The following PRKCE variants were observed in gnomAD, a reference collection of about 807,000 sequenced individuals.
PRKCE encodes protein kinase C epsilon.
A neutral mutation model predicts 85.4 loss-of-function variants in PRKCE; 16 were observed. That is an observed-to-expected ratio of 0.19 (90% CI 0.13 to 0.28). The LOEUF (loss-of-function observed/expected upper bound fraction) is 0.28. Among genes scored for constraint, PRKCE ranks in the 10% least tolerant of loss-of-function variants. The pLI, the probability that PRKCE is intolerant of heterozygous loss-of-function variation, is 1.00. For synonymous variants in PRKCE, 388 were observed against 371.5 expected (o/e 1.04, Z -0.51); for missense variants, 573 against 975.2 (o/e 0.59, Z 5.49).
At chr2:46,019,846 T>C (rs934809278) in intron 10 of PRKCE, among the ~76,000 whole-genome samples, 4 of 137,524 alleles carry the variant, frequency 2.9e-5, no homozygotes, top group East Asian at 2.1e-4. Flanking sequence ...GTTGGTTTTC[T>C]CTTTTTTTTT....
At position 45,787,144 on chromosome 2, in the gene PRKCE, G is replaced by A. The variant is rs919269215; in HGVS notation, c.349-55856G>A. 5.3e-5 allele frequency among the ~76,000 whole-genome samples: 8 copies of A among 152,222 alleles called. No individual in the cohort carries two copies. The South Asian group carries it at 6.2e-4, about 12-fold the overall frequency. On this transcript the variant is annotated intron_variant, in intron 1 of 14. Transcript: ENST00000306156. Reference sequence around the variant, plus strand: ...GGTGTCCCCCCAAGCTGGGAGGAGCGTGGCTGTAGCTGGCAGCCCTGCTGG... The same window carrying A: ...GGTGTCCCCCCAAGCTGGGAGGAGCATGGCTGTAGCTGGCAGCCCTGCTGG...
chr2:45,682,140 A>G (rs1431782496), intron 1 of PRKCE, among the ~76,000 whole-genome samples: 1 of 152,236 alleles, frequency 6.6e-6, no homozygotes, highest in Non-Finnish European at 1.5e-5. Flanking sequence ...CTTTACTGAG[A>G]CATCTCTGAC....
intron 1 of PRKCE, among the ~76,000 whole-genome samples, chr2:45,703,902 A>G (rs1431049530): frequency 1.3e-5 from 2 of 152,242 alleles, no homozygotes; most frequent in African/African-American, 4.8e-5. Context: ...CTTGTTTTAT[A>G]TTACTGGTAT....
At chr2:45,835,720 A>G (rs1690812836) in intron 1 of PRKCE, among the ~76,000 whole-genome samples, 1 of 151,014 alleles carries the variant, frequency 6.6e-6, no homozygotes, top group Non-Finnish European at 1.5e-5. Flanking sequence ...CCTCCCAAGT[A>G]CCTGGGACTG....
intron 1 of PRKCE, among the ~76,000 whole-genome samples, chr2:45,708,091 A>G (rs1467426911): frequency 6.6e-6 from 1 of 152,164 alleles, no homozygotes; most frequent in Non-Finnish European, 1.5e-5. Context: ...CTCCTGATCT[A>G]CTACCAAAGT....
intron 6 of PRKCE, among the ~76,000 whole-genome samples, chr2:45,985,117 A>G (rs1278171157): frequency 2.0e-5 from 3 of 152,178 alleles, no homozygotes; most frequent in African/African-American, 7.2e-5. Flanking sequence ...GAACCTTGTC[A>G]CATAAGGTAG....
chr2:46,179,553 T>C (rs529892427), intron 14 of PRKCE, among the ~76,000 whole-genome samples: 2 of 152,292 alleles, frequency 1.3e-5, no homozygotes, highest in Non-Finnish European at 1.5e-5. Context: ...ATTTCTGAAA[T>C]GATGCCAGAG....
chr2:45,929,097 C>G (rs1698845490), intron 2 of PRKCE, among the ~76,000 whole-genome samples: 1 of 152,170 alleles, frequency 6.6e-6, no homozygotes, highest in Non-Finnish European at 1.5e-5. Context: ...CTCGAGAGCT[C>G]TCTTCCCATC....
intron 1 of PRKCE, among the ~76,000 whole-genome samples, chr2:45,814,377 G>A (rs955320780): frequency 4.6e-5 from 7 of 152,202 alleles, no homozygotes; most frequent in African/African-American, 1.7e-4. Context: ...CTCTGCAGAA[G>A]TGCTCCCTGC....
intron 1 of PRKCE, among the ~76,000 whole-genome samples, chr2:45,821,460 T>C (rs1558712054): frequency 6.6e-6 from 1 of 152,112 alleles, no homozygotes; most frequent in South Asian, 2.1e-4. Context: ...GGAACCTACC[T>C]GGGGACTAGT....
intron 10 of PRKCE, among the ~76,000 whole-genome samples, chr2:46,012,668 C>A (rs1402657551): frequency 6.6e-6 from 1 of 152,196 alleles, no homozygotes; most frequent in Non-Finnish European, 1.5e-5. Flanking sequence ...GTTGTGAGGG[C>A]TCTATGGAGC....
intron 2 of PRKCE, among the ~76,000 whole-genome samples, chr2:45,917,588 C>G (rs1010949315): frequency 6.6e-5 from 10 of 152,248 alleles, no homozygotes; most frequent in Non-Finnish European, 1.3e-4. Flanking sequence ...CCACCAGATT[C>G]AGGAGCCCAG....
intron 10 of PRKCE, among the ~76,000 whole-genome samples, chr2:46,015,782 G>T (rs1459281972): frequency 2.0e-5 from 3 of 150,708 alleles, no homozygotes; most frequent in South Asian, 2.1e-4. Flanking sequence ...AAATCTAAAC[G>T]AGCTGACAGA....
intron 1 of PRKCE, among the ~76,000 whole-genome samples, chr2:45,829,848 C>T (rs1013394959): frequency 8.6e-5 from 13 of 151,832 alleles, no homozygotes; most frequent in African/African-American, 1.9e-4. Context: ...CCGAGGCGGG[C>T]GGATCACGAG....
At chr2:45,862,580 C>G (rs1183518096) in intron 2 of PRKCE, among the ~76,000 whole-genome samples, 1 of 152,224 alleles carries the variant, frequency 6.6e-6, no homozygotes, top group African/African-American at 2.4e-5. Flanking sequence ...GCTGGATCTT[C>G]TGGTTTTCTG....
chr2:46,083,436 G>A (rs1669290095), intron 10 of PRKCE, among the ~76,000 whole-genome samples: 1 of 152,312 alleles, frequency 6.6e-6, no homozygotes, highest in Admixed American at 6.5e-5. Context: ...TGATGGGGAG[G>A]GGAGATTTTT....
chr2:46,095,989 A>C (rs1291794578), intron 11 of PRKCE, among the ~76,000 whole-genome samples: 1 of 152,166 alleles, frequency 6.6e-6, no homozygotes, highest in East Asian at 1.9e-4. Flanking sequence ...TGGATTTACA[A>C]CCTTTCCAAA....
chr2:46,024,987 G>A (rs1390265047), intron 10 of PRKCE, among the ~76,000 whole-genome samples: 1 of 152,142 alleles, frequency 6.6e-6, no homozygotes, highest in African/African-American at 2.4e-5. Context: ...GATCTAGGAA[G>A]TATCTTTTGA....
intron 1 of PRKCE, among the ~76,000 whole-genome samples, chr2:45,680,229 A>G (rs1676782644): frequency 6.6e-6 from 1 of 152,166 alleles, no homozygotes; most frequent in Non-Finnish European, 1.5e-5. Flanking sequence ...ACTTTGTTGG[A>G]TTTCAGTGGT....
Sources: allele counts gnomAD v4.1 joint callset (sites outside exome capture counted in the v4.1 genomes callset), GRCh38; gene constraint gnomAD v4.1.1; transcripts MANE v1.5; gene names NCBI Gene and HGNC (gene_info 2026-07-23, HGNC 2026-07-21).